TBCE: variants seen among roughly 807,000 people sequenced by gnomAD.
The protein encoded by TBCE is tubulin folding cofactor E.
TBCE carries 53 observed loss-of-function variants against 77.0 expected under a neutral mutation model. The ratio of observed to expected loss-of-function variants is 0.69; its 90% CI spans 0.55 to 0.87. The LOEUF is 0.87. Among genes scored for constraint, TBCE ranks in the 40% least tolerant of loss-of-function variants. The pLI is 0.00. For synonymous variants in TBCE, 235 were observed against 241.3 expected, an observed-to-expected ratio of 0.97 and a Z score of 0.24; for missense variants, 624 against 622.4, an observed-to-expected ratio of 1.00 and a Z score of -0.03.
At chr1:235,440,157 G>A (rs970754724) in intron 13 of TBCE, among the ~76,000 whole-genome samples, 88 of 151,684 alleles carry the variant, frequency 5.8e-4, no homozygotes, top group East Asian at 1.4e-3. Context: ...TTTTTAGTAG[G>A]GACGGGGTTT....
rs1288892223 is a variant in TBCE, at chr1:235,419,449, A to C, written c.372-24A>C. On this transcript the variant is annotated intron_variant, in intron 4 of 16. Coordinates refer to ENST00000642610, the MANE Select transcript of TBCE (RefSeq NM_003193.5). ...GGATAGCATACGTGCTTATGTATCC[A>C]TGTGAACTCTGTTTTTCATGCAGTC... 3.1e-6 allele frequency: 5 copies of C among 1,614,134 alleles called. No individual in the cohort carries two copies. The South Asian group carries it at 5.5e-5, about 18-fold the overall frequency.
intron 3 of TBCE, among the ~76,000 whole-genome samples, chr1:235,403,638 T>A (rs1260739336): frequency 6.6e-6 from 1 of 152,234 alleles, no homozygotes; most frequent in Non-Finnish European, 1.5e-5. Flanking sequence ...TTGGTTGCTC[T>A]GAGCAGAAAA....
chr1:235,391,986 TA>T lies in TBCE; in HGVS notation c.101-9507del, dbSNP rs927513743. Among the ~76,000 whole-genome samples the T allele has an allele frequency of 1.6e-3, 235 of 148,882 alleles. 1 individual carries two copies. Among genetic ancestry groups the T allele is most frequent in the African/African-American group, 4.9e-3 (200 of 40,772 alleles). On this transcript the variant is annotated intron_variant, in intron 2 of 16. Coordinates refer to ENST00000642610, the MANE Select transcript of TBCE (RefSeq NM_003193.5). Reference sequence around the variant, plus strand: ...TCCTAAATACTTTACATTGTAATTCTAAAAAAAAAATACGTTTTCTTACAAA... The same window carrying T: ...TCCTAAATACTTTACATTGTAATTCTAAAAAAAAATACGTTTTCTTACAAA...
intron 3 of TBCE, among the ~76,000 whole-genome samples, chr1:235,405,320 CTTTT>C (rs34897905): frequency 6.4e-5 from 9 of 140,986 alleles, no homozygotes; most frequent in Admixed American, 1.4e-4. Flanking sequence ...TTACAATTAA[CTTTT>C]TTTTTTTTTT....
rs1386125807 is a variant in TBCE, at chr1:235,448,739, G to A, written c.1561G>A (p.Asp521Asn). ...ACAGTTTTATTCTGTGGAAAATGGA[G>A]ATTGTCTATTAGTGCGATGGTGACA... ...SLQFYSVENG[D>N]CLLVRW Residue 521 changes from aspartate to asparagine, a missense_variant, in exon 17 of 17, where the codon GAT (aspartate) becomes AAT (asparagine). Physicochemically the swap from Asp to Asn is conservative, Grantham distance 23. Coordinates refer to ENST00000642610, the MANE Select transcript of TBCE (RefSeq NM_003193.5). 1.7e-5 allele frequency: 28 copies of A among 1,613,742 alleles called. No homozygotes were observed. The highest frequency in any genetic ancestry group is 2.0e-5 in the Non-Finnish European group (24 of 1,179,736).
At chr1:235,437,545 C>T in intron 12 of TBCE, 71 bp downstream of exon 12, 5 of 1,570,608 alleles carry the variant, frequency 3.2e-6, no homozygotes, top group Non-Finnish European at 4.3e-6. Flanking sequence ...GGCGCCGTGG[C>T]TCACACCTGT....
intron 2 of TBCE, among the ~76,000 whole-genome samples, chr1:235,392,367 G>A (rs2102838442): frequency 7.1e-6 from 1 of 141,338 alleles, no homozygotes; most frequent in Non-Finnish European, 1.6e-5. Context: ...AAAAAAGAAA[G>A]TTGTGATTCA....
chr1:235,407,494 CAGT>C (rs1420902060), intron 3 of TBCE, among the ~76,000 whole-genome samples: 3 of 152,064 alleles, frequency 2.0e-5, no homozygotes, highest in Non-Finnish European at 4.4e-5. Flanking sequence ...TGGTGAGTGA[CAGT>C]GGTGGGTAAG....
At chr1:235,379,673 G>A (rs986021086) in intron 1 of TBCE, among the ~76,000 whole-genome samples, 1 of 152,006 alleles carries the variant, frequency 6.6e-6, no homozygotes, top group African/African-American at 2.4e-5. Flanking sequence ...TATAGGCCAG[G>A]CGCGGTGGCT....
rs1682462720 is a variant in TBCE at position 235,447,568 on chromosome 1, AT to A, written c.1400-778del. On this transcript the variant is annotated intron_variant, in intron 15 of 16. Transcript: ENST00000642610. ...GGCGCTGGAAGGGACCTTGTAGATCATTTAGTTGGCACCCTAATTTTACAGA... is the reference window on the plus strand; with the variant it reads ...GGCGCTGGAAGGGACCTTGTAGATCATTAGTTGGCACCCTAATTTTACAGA... Among the ~76,000 whole-genome samples the A allele has an allele frequency of 3.9e-5, 6 of 152,306 alleles. No homozygotes were observed. In the East Asian group the frequency reaches 1.2e-3, roughly 29 times the overall value.
chr1:235,434,719 G>T (rs921354208), intron 8 of TBCE, among the ~76,000 whole-genome samples: 1 of 151,736 alleles, frequency 6.6e-6, no homozygotes, highest in African/African-American at 2.4e-5. Flanking sequence ...TTTATTTTTA[G>T]TAGAGACGGG....
rs190052220 is a variant in TBCE at position 235,447,504 on chromosome 1, T to C, written c.1400-845T>C. 5.9e-5 allele frequency among the ~76,000 whole-genome samples: 9 copies of C among 152,324 alleles called. No homozygotes were observed. The East Asian group carries it at 1.4e-3, about 23-fold the overall frequency. Reference sequence around the variant, plus strand: ...CCCATGCCTGGCAGTCACTTGTGTATGTTTAATACAGTTACACATGATGTA... The same window carrying C: ...CCCATGCCTGGCAGTCACTTGTGTACGTTTAATACAGTTACACATGATGTA... On this transcript the variant is annotated intron_variant, in intron 15 of 16. Coordinates refer to ENST00000642610, the MANE Select transcript of TBCE (RefSeq NM_003193.5).
chr1:235,394,888 T>C (rs1678634588), intron 2 of TBCE, among the ~76,000 whole-genome samples: 1 of 151,916 alleles, frequency 6.6e-6, no homozygotes. Context: ...AATTTTTTGT[T>C]GAGACAAGGT....
intron 7 of TBCE, chr1:235,432,923 T>TTTTTGTAAAAAAA: frequency 8.4e-7 from 1 of 1,185,566 alleles, no homozygotes; most frequent in Non-Finnish European, 1.1e-6. Flanking sequence ...GTAATTTTTT[T>TTTTTGTAAAAAAA]TTTTGTAAAA....
intron 8 of TBCE, among the ~76,000 whole-genome samples, chr1:235,435,293 G>T (rs1383836023): frequency 1.3e-5 from 2 of 152,034 alleles, no homozygotes; most frequent in Non-Finnish European, 2.9e-5. Context: ...TAGAGACGGG[G>T]TTTCACCATG....
At position 235,426,950 on chromosome 1, in the gene TBCE, A is replaced by T. The variant is rs142525043; in HGVS notation, c.461-190A>T. ...CGTGAGCCACCGCGCCTGGCCTCAC[A>T]ATGAACTTTTTCGTTTCTCAGTGAA... On this transcript the variant is annotated intron_variant, in intron 5 of 16. Coordinates refer to ENST00000642610, the MANE Select transcript of TBCE (RefSeq NM_003193.5). 6.4e-3 allele frequency among the ~76,000 whole-genome samples: 982 copies of T among 152,302 alleles called. 8 individuals are homozygous for T. Among genetic ancestry groups the T allele is most frequent in the Non-Finnish European group, 0.011 (724 of 68,022 alleles).
intron 13 of TBCE, 23 bp from the exon 14 acceptor site, chr1:235,441,791 A>T (rs776558799): frequency 8.9e-5 from 144 of 1,610,350 alleles, no homozygotes; most frequent in Admixed American, 1.5e-4. Flanking sequence ...TTTATCATTC[A>T]TCTCTTTTGC....
chr1:235,377,640 G>A (rs1677375975), intron 1 of TBCE, among the ~76,000 whole-genome samples: 1 of 144,716 alleles, frequency 6.9e-6, no homozygotes, highest in Non-Finnish European at 1.5e-5. Context: ...AGTAACAGAG[G>A]AAATGTCTAC....
chr1:235,428,670 T>C (rs1453741482), intron 6 of TBCE, among the ~76,000 whole-genome samples: 1 of 151,182 alleles, frequency 6.6e-6, no homozygotes, highest in African/African-American at 2.4e-5. Context: ...TTTGAGACAG[T>C]GTCTCGCCCT....
Sources: gnomAD v4.1 joint callset for allele counts (sites outside exome capture counted in the v4.1 genomes callset) on GRCh38, gnomAD v4.1.1 for gene constraint, MANE v1.5 for transcripts, NCBI Gene and HGNC (gene_info 2026-07-23, HGNC 2026-07-21) for gene names.